KIF26B: variants seen among roughly 807,000 people sequenced by gnomAD.
KIF26B encodes kinesin-like protein KIF26B.
Under a neutral mutation model 151.2 loss-of-function variants are expected in KIF26B, and 63 were observed. That is an observed-to-expected ratio of 0.42 (90% CI 0.34 to 0.51). The LOEUF is 0.51. KIF26B is among the 20% of genes least tolerant of loss of function. KIF26B has a pLI of 0.07. For synonymous variants in KIF26B, 1,357 were observed against 1,262.1 expected (o/e 1.08, Z -1.59); for missense variants, 2,813 against 2,913.6 (o/e 0.97, Z 0.79).
intron 2 of KIF26B, among the ~76,000 whole-genome samples, chr1:245,197,727 G>A (rs1000419552): frequency 2.0e-5 from 3 of 152,052 alleles, no homozygotes; most frequent in African/African-American, 7.2e-5. Context: ...AAGTGCCCCC[G>A]GGGAAGTGTA....
At chr1:245,287,494 C>CTTTTTTTTTT (rs1157634485) in intron 2 of KIF26B, among the ~76,000 whole-genome samples, 1 of 113,172 alleles carries the variant, frequency 8.8e-6, no homozygotes. Flanking sequence ...TCATCTCTCT[C>CTTTTTTTTTT]TCTCTTTTTT....
At chr1:245,510,597 TC>T (rs1660811886) in intron 4 of KIF26B, among the ~76,000 whole-genome samples, 2 of 151,654 alleles carry the variant, frequency 1.3e-5, no homozygotes, top group Admixed American at 6.6e-5. Context: ...TCTCTCTCTC[TC>T]TCTCTCTCTC....
At chr1:245,355,610 A>AAAGAAG (rs896551223) in intron 2 of KIF26B, among the ~76,000 whole-genome samples, 1 of 125,930 alleles carries the variant, frequency 7.9e-6, no homozygotes, top group Non-Finnish European at 1.5e-5. Flanking sequence ...AAAAAAAAAA[A>AAAGAAG]AAGAAGAAGA....
intron 3 of KIF26B, among the ~76,000 whole-genome samples, chr1:245,408,349 C>CTTTTTTTTTTTTTT (rs58724712): frequency 8.8e-6 from 1 of 113,332 alleles, no homozygotes; most frequent in Non-Finnish European, 1.8e-5. Context: ...TTAAATGATT[C>CTTTTTTTTTTTTTT]TTTTTTTTTT....
chr1:245,423,478 GT>G (rs35547172), intron 4 of KIF26B, among the ~76,000 whole-genome samples: 17,776 of 146,542 alleles, frequency 0.12, 1,282 homozygotes, highest in African/African-American at 0.2. Context: ...TTATTATAGG[GT>G]TTTTTTTTTT....
In KIF26B at chr1:245,643,501, C is replaced by T. The variant is rs770141661; in HGVS notation, c.2099-2620C>T. ...TACAATAGTATACTTCCATTTCTCCCGTCTGACTTTTGTGTTATTGCTATC... is the reference window on the plus strand; with the variant it reads ...TACAATAGTATACTTCCATTTCTCCTGTCTGACTTTTGTGTTATTGCTATC... On this transcript the variant is annotated intron_variant, in intron 9 of 14. Coordinates refer to ENST00000407071, the MANE Select transcript of KIF26B (RefSeq NM_018012.4). Among the ~76,000 whole-genome samples the T allele has an allele frequency of 9.9e-5, 15 of 152,218 alleles. No individual in the cohort carries two copies. The South Asian group carries it at 1.0e-3, about 11-fold the overall frequency.
At chr1:245,612,101 T>TGAGA (rs2043532969) in intron 9 of KIF26B, 125 bp downstream of exon 9, 20 of 500,724 alleles carry the variant, frequency 4.0e-5, no homozygotes, top group South Asian at 1.3e-4. Flanking sequence ...TGTGTGTGTG[T>TGAGA]GTGTGAGAGA....
intron 2 of KIF26B, among the ~76,000 whole-genome samples, chr1:245,304,062 C>G (rs779246137): frequency 1.3e-5 from 2 of 152,218 alleles, no homozygotes; most frequent in Non-Finnish European, 2.9e-5. Context: ...TCTTTTTACA[C>G]TAAGGAAGAA....
chr1:245,479,040 T>C (rs957934308), intron 4 of KIF26B, among the ~76,000 whole-genome samples: 1 of 151,704 alleles, frequency 6.6e-6, no homozygotes, highest in African/African-American at 2.4e-5. Flanking sequence ...CGCAGCTGAA[T>C]GCACCGAGGT....
At chr1:245,385,364 A>G (rs1673517714) in intron 3 of KIF26B, among the ~76,000 whole-genome samples, 1 of 152,258 alleles carries the variant, frequency 6.6e-6, no homozygotes, top group Non-Finnish European at 1.5e-5. Context: ...TACAGTAACT[A>G]GTCATTAAAT....
rs926487796 is a variant in KIF26B at position 245,706,561 on chromosome 1, T to C, written c.*3955T>C. The C allele has an allele frequency of 3.9e-5, 6 of 152,224 alleles. No homozygotes were observed. The highest frequency in any genetic ancestry group is 1.4e-4 in the African/African-American group (6 of 41,462). 9.4% of individuals were successfully genotyped at this position (152,224 alleles called of 1,614,324 possible). A position where few individuals can be genotyped will look rare whatever the true frequency, so the allele number is the denominator to read the frequency against. ...AGTCCTGCCTGTACTCATTGTTCTT[T>C]CCTGCTGGACTAGTAACCCATTCTT... On this transcript the variant is annotated 3_prime_UTR_variant, in exon 15 of 15. Coordinates refer to ENST00000407071, the MANE Select transcript of KIF26B (RefSeq NM_018012.4).
rs368102220 is a variant in KIF26B, at chr1:245,155,286, TCCCACCCCA to T, written c.-136_-128del. On this transcript the variant is annotated 5_prime_UTR_variant, in exon 1 of 15. Coordinates refer to ENST00000407071, the MANE Select transcript of KIF26B (RefSeq NM_018012.4). ...GTGGGATCCATTTGCTTTCATTCCCTCCCACCCCACCGCTGAAGAAACCTTGCCCTGAGG... is the reference window on the plus strand; with the variant it reads ...GTGGGATCCATTTGCTTTCATTCCCTCCGCTGAAGAAACCTTGCCCTGAGG... The T allele has an allele frequency of 1.2e-3, 829 of 699,032 alleles. 5 individuals are homozygous for T. The African/African-American group carries it at 0.014, about 12-fold the overall frequency. The allele number at this position is 699,032 out of a possible 1,614,324, so 43.3% of individuals were successfully genotyped here.
chr1:245,642,329 A>G (rs1040592179), intron 9 of KIF26B, among the ~76,000 whole-genome samples: 2 of 152,154 alleles, frequency 1.3e-5, no homozygotes, highest in South Asian at 2.1e-4. Flanking sequence ...TGTGTTACTC[A>G]GCAAGTCTCT....
At chr1:245,462,271 T>A (rs548596466) in intron 4 of KIF26B, among the ~76,000 whole-genome samples, 1 of 152,264 alleles carries the variant, frequency 6.6e-6, no homozygotes, top group South Asian at 2.1e-4. Context: ...CCATTGAGAA[T>A]GGAGGGTGTT....
At chr1:245,193,945 G>T (rs192348441) in intron 2 of KIF26B, among the ~76,000 whole-genome samples, 1 of 152,190 alleles carries the variant, frequency 6.6e-6, no homozygotes, top group Non-Finnish European at 1.5e-5. Context: ...ACCATGGGGC[G>T]CTAGAAAATG....
chr1:245,206,498 G>A (rs1669408611), intron 2 of KIF26B: 1 of 152,252 alleles, frequency 6.6e-6, no homozygotes, highest in African/African-American at 2.4e-5. Flanking sequence ...TTGACATTAA[G>A]AGAACAACTG....
At chr1:245,282,894 A>G (rs1415276192) in intron 2 of KIF26B, 3 of 306,306 alleles carry the variant, frequency 9.8e-6, no homozygotes, top group East Asian at 1.9e-4. Context: ...TACATGGAGT[A>G]TTAATGCTGC....
chr1:245,178,602 CA>C (rs1668849790), intron 2 of KIF26B, among the ~76,000 whole-genome samples: 1 of 152,196 alleles, frequency 6.6e-6, no homozygotes, highest in Non-Finnish European at 1.5e-5. Flanking sequence ...ACCAAAACTC[CA>C]AATGCATTAA....
At chr1:245,246,914 GAC>G (rs1195534937) in intron 2 of KIF26B, among the ~76,000 whole-genome samples, 8 of 133,852 alleles carry the variant, frequency 6.0e-5, no homozygotes, top group South Asian at 2.5e-4. Context: ...CACAGACACA[GAC>G]ACACACAGAC....
Sources: gnomAD v4.1 joint callset for allele counts (sites outside exome capture counted in the v4.1 genomes callset) on GRCh38, gnomAD v4.1.1 for gene constraint, MANE v1.5 for transcripts, NCBI Gene and HGNC (gene_info 2026-07-23, HGNC 2026-07-21) for gene names.